MUCL1: variants seen among roughly 807,000 people sequenced by gnomAD.
The protein encoded by MUCL1 is mucin-like protein 1.
MUCL1 carries 11 observed loss-of-function variants against 9.2 expected under a neutral mutation model. The ratio of observed to expected loss-of-function variants is 1.19; its 90% confidence interval spans 0.75 to 1.97. The LOEUF is 1.97. MUCL1 is among the 30% of genes most tolerant of loss of function. The pLI is 0.00. For synonymous variants in MUCL1, 48 were observed against 40.5 expected (o/e 1.19, Z -0.71); for missense variants, 144 against 110.9 (o/e 1.30, Z -1.34).
upstream of MUCL1, among the ~76,000 whole-genome samples, chr12:54,837,030 A>C (rs1190613434): frequency 6.6e-6 from 1 of 152,140 alleles, no homozygotes; most frequent in Non-Finnish European, 1.5e-5. Context: ...TATTTCATGC[A>C]CTGAGGAGAA....
upstream of MUCL1, among the ~76,000 whole-genome samples, chr12:54,838,790 A>T (rs757756965): frequency 6.0e-4 from 92 of 152,076 alleles, no homozygotes; most frequent in Non-Finnish European, 1.0e-3. Flanking sequence ...TTTCTTTAAG[A>T]TATCTATCTC....
chr12:54,856,977 T>C lies in MUCL1; in HGVS notation c.223+85T>C, dbSNP rs1592250857. On this transcript the variant is annotated intron_variant, in intron 3 of 3. Coordinates refer to ENST00000308796, the MANE Select transcript of MUCL1 (RefSeq NM_058173.3). ...TCTATTCTCACAGAGACTCTATTTT[T>C]GAGGTCAGGGAGACCTCTTCTTTAC... 2.5e-6 allele frequency: 4 copies of C among 1,585,084 alleles called. No individual in the cohort carries two copies. In the East Asian group the frequency reaches 9.0e-5, roughly 35 times the overall value.
chr12:54,850,392 G>A (rs1007831172), upstream of MUCL1, among the ~76,000 whole-genome samples: 1 of 146,782 alleles, frequency 6.8e-6, no homozygotes, highest in African/African-American at 2.6e-5. Flanking sequence ...TGCCACCTAT[G>A]AGTGAGAACA....
At chr12:54,845,850 G>A (rs1959246053) in intron 1 of MUCL1, among the ~76,000 whole-genome samples, 1 of 152,122 alleles carries the variant, frequency 6.6e-6, no homozygotes, top group Non-Finnish European at 1.5e-5. Context: ...TGGGTGCAAT[G>A]TGTTCTTTCT....
intron 1 of MUCL1, 69 bp from the exon 2 acceptor site, chr12:54,855,047 T>C (rs1868288697): frequency 7.4e-7 from 1 of 1,360,104 alleles, no homozygotes; most frequent in Non-Finnish European, 1.0e-6. Flanking sequence ...ATTGTCCATA[T>C]TCTCTCTTAC....
chr12:54,841,475 T>C (rs1311800686), intron 1 of MUCL1, among the ~76,000 whole-genome samples: 2 of 152,210 alleles, frequency 1.3e-5, no homozygotes, highest in African/African-American at 4.8e-5. Context: ...ATACAAATGT[T>C]CCTTTTCCTC....
chr12:54,854,935 T>G (rs924120823), intron 1 of MUCL1, among the ~76,000 whole-genome samples, 181 bp from the exon 2 acceptor site: 3 of 152,160 alleles, frequency 2.0e-5, no homozygotes. Flanking sequence ...GACCACATAT[T>G]AGGTTTTTAT....
At chr12:54,848,103 A>G (rs1959283107) in intron 1 of MUCL1, among the ~76,000 whole-genome samples, 1 of 149,476 alleles carries the variant, frequency 6.7e-6, no homozygotes, top group South Asian at 2.1e-4. Flanking sequence ...TTGTTTGTTG[A>G]AACTCAGCTG....
upstream of MUCL1, among the ~76,000 whole-genome samples, chr12:54,835,402 C>G (rs1412004368): frequency 6.6e-6 from 1 of 151,786 alleles, no homozygotes; most frequent in Non-Finnish European, 1.5e-5. Flanking sequence ...TTTTCACCAC[C>G]TCTACACCAA....
intron 1 of MUCL1, among the ~76,000 whole-genome samples, chr12:54,843,201 A>G (rs1011937188): frequency 6.6e-6 from 1 of 152,180 alleles, no homozygotes; most frequent in African/African-American, 2.4e-5. Context: ...AGGACTGTAA[A>G]TGGTATCTAT....
At position 54,855,779 on chromosome 12, in the gene MUCL1, A is replaced by G. The variant is rs552728029; in HGVS notation, c.100+622A>G. Among the ~76,000 whole-genome samples the G allele has an allele frequency of 3.9e-5, 6 of 152,356 alleles. No homozygotes were observed. In the South Asian group the frequency reaches 1.2e-3, roughly 32 times the overall value. On this transcript the variant is annotated intron_variant, in intron 2 of 3. Transcript: ENST00000308796. ...TACTGTGTGTGTGTTGTGCCCATGC[A>G]CAAGTTAAGGGGGTCTGTCTTTATC...
At chr12:54,833,775 A>G (rs1229568908) in intron 1 of MUCL1, among the ~76,000 whole-genome samples, 1 of 148,966 alleles carries the variant, frequency 6.7e-6, no homozygotes, top group Non-Finnish European at 1.5e-5. Context: ...GAACAATGAG[A>G]ACACATGAAC....
rs147701459 is a variant in MUCL1, at chr12:54,844,665, C to A, written c.43+5218C>A. On this transcript the variant is annotated intron_variant, in intron 1 of 3. Coordinates refer to the MUCL1 transcript ENST00000546809. Reference sequence around the variant, plus strand: ...AAGAGTTTTGCCAATTTCTCCCAGCCGTTAATAACATCTTACTCAATTTCC... The same window carrying A: ...AAGAGTTTTGCCAATTTCTCCCAGCAGTTAATAACATCTTACTCAATTTCC... Among the ~76,000 whole-genome samples the A allele has an allele frequency of 4.2e-3, 634 of 152,264 alleles. 1 individual carries two copies. Among genetic ancestry groups the A allele is most frequent in the Middle Eastern group, 0.037 (11 of 294 alleles).
chr12:54,852,558 C>T (rs1868260244), upstream of MUCL1, among the ~76,000 whole-genome samples: 1 of 152,194 alleles, frequency 6.6e-6, no homozygotes, highest in South Asian at 2.1e-4. Flanking sequence ...TTGTATCACA[C>T]TTTTCCTGTT....
intron 1 of MUCL1, among the ~76,000 whole-genome samples, chr12:54,840,235 G>A (rs1243194849): frequency 6.6e-6 from 1 of 152,204 alleles, no homozygotes; most frequent in Non-Finnish European, 1.5e-5. Context: ...GAGTGATGTA[G>A]AGTCTGTGAA....
intron 1 of MUCL1, among the ~76,000 whole-genome samples, chr12:54,831,404 G>A (rs1410537905): frequency 6.6e-6 from 1 of 152,024 alleles, no homozygotes; most frequent in Non-Finnish European, 1.5e-5. Flanking sequence ...TGTTAGTTTA[G>A]TAAAAACAGC....
At chr12:54,838,996 C>T (rs1332921482), upstream of MUCL1, among the ~76,000 whole-genome samples, 1 of 152,092 alleles carries the variant, frequency 6.6e-6, no homozygotes, top group Non-Finnish European at 1.5e-5. Context: ...TTATAGAACA[C>T]TGTTTTGTCA....
In MUCL1 at chr12:54,847,715, T is replaced by C. The variant is rs982278605; in HGVS notation, c.44-7401T>C. On this transcript the variant is annotated intron_variant, in intron 1 of 3. Coordinates refer to the MUCL1 transcript ENST00000546809. Reference sequence around the variant, plus strand: ...GTATTATGATAAGAATAGAATCAAATGAGGTAGTGATAATTTTGGGGATTA... The same window carrying C: ...GTATTATGATAAGAATAGAATCAAACGAGGTAGTGATAATTTTGGGGATTA... Among the ~76,000 whole-genome samples the C allele has an allele frequency of 8.5e-5, 13 of 152,236 alleles. No homozygotes were observed. The East Asian group carries it at 9.7e-4, about 11-fold the overall frequency.
intron 1 of MUCL1, among the ~76,000 whole-genome samples, chr12:54,846,315 T>A (rs1018110505): frequency 2.0e-5 from 3 of 152,302 alleles, no homozygotes; most frequent in Admixed American, 1.3e-4. Flanking sequence ...GTGCTCCCCA[T>A]GGCCTCTGCA....
Sources: gnomAD v4.1 joint callset for allele counts (sites outside exome capture counted in the v4.1 genomes callset) on GRCh38, gnomAD v4.1.1 for gene constraint, MANE v1.5 for transcripts, NCBI Gene and HGNC (gene_info 2026-07-23, HGNC 2026-07-21) for gene names.